Variants in FADS3 observed in about 807,000 individuals in gnomAD.
FADS3 encodes the protein cytochrome b5-related protein.
A neutral mutation model predicts 60.4 loss-of-function variants in FADS3; 30 were observed. That is an observed-to-expected ratio of 0.50 (90% CI 0.37 to 0.67). FADS3 has a LOEUF of 0.67. Ranked by LOEUF, FADS3 falls within the 30% of genes least tolerant of loss-of-function variation. FADS3 has a pLI of 0.00. For synonymous variants in FADS3, 234 were observed against 249.3 expected (o/e 0.94, Z 0.58); for missense variants, 432 against 598.3 (o/e 0.72, Z 2.90).
At position 61,877,918 on chromosome 11, in the gene FADS3, C is replaced by T; in HGVS notation, c.808+237G>A. The T allele has an allele frequency of 1.7e-6, 1 of 599,882 alleles. No individual in the cohort carries two copies. Among genetic ancestry groups the T allele is most frequent in the South Asian group, 2.0e-5 (1 of 50,332 alleles). 37.2% of individuals were successfully genotyped at this position (599,882 alleles called of 1,614,324 possible). On this transcript the variant is annotated intron_variant, in intron 6 of 11. Transcript: ENST00000278829. The surrounding 1 kb of genome is among the most constrained non-coding windows in gnomAD (Gnocchi z 4.7). ...TCTACGTGGGGCTTGGGGAAGCTCC[C>T]AGCAGGGCTGTGATGGCCCGTGGCT...
chr11:61,878,088 A>C (rs1483806495), intron 6 of FADS3, 67 bp downstream of exon 6: 15 of 1,456,342 alleles, frequency 1.0e-5, no homozygotes, highest in Non-Finnish European at 1.4e-5. Context: ...GGAGTGGTCC[A>C]GGACAGCAGG....
Position 61,876,102 on chromosome 11 carries a change from C to A in FADS3, c.1160+9G>T. 6.2e-7 allele frequency: 1 copy of A among 1,609,862 alleles called. No individual in the cohort carries two copies. The highest frequency in any genetic ancestry group is 2.2e-5 in the East Asian group (1 of 44,704). On this transcript the variant is annotated intron_variant, in intron 10 of 11. Coordinates refer to ENST00000278829, the MANE Select transcript of FADS3 (RefSeq NM_021727.5). The surrounding 1 kb of genome is among the most constrained non-coding windows in gnomAD (Gnocchi z 5.7). ...CCACCTCCCACTGGCCCCCAGCACC[C>A]ACACTCACTGGTGCTCGATCTGGAA... is the stretch of plus-strand genomic sequence containing the variant.
At chr11:61,882,950 G>C (rs1938188076) in intron 1 of FADS3, among the ~76,000 whole-genome samples, 1 of 151,754 alleles carries the variant, frequency 6.6e-6, no homozygotes, top group Non-Finnish European at 1.5e-5. Flanking sequence ...GGCTGGTGTT[G>C]AACTCCTGAG....
chr11:61,884,768 G>A (rs909010771), intron 1 of FADS3, among the ~76,000 whole-genome samples: 4 of 152,152 alleles, frequency 2.6e-5, no homozygotes, highest in African/African-American at 4.8e-5. Flanking sequence ...ACCCCCACAC[G>A]CACCCAAGCG....
Position 61,873,720 on chromosome 11 carries a change from G to GTGCCAGTAC in FADS3, c.*93_*94insGTACTGGCA. On this transcript the variant is annotated 3_prime_UTR_variant, in exon 12 of 12. Transcript: ENST00000278829. ...AGGAGGGCAGGCAGGGCACCCCCAGGCTGGCCAGTGGAGGGGTGAGGGTAT... is the reference window on the plus strand; with the variant it reads ...AGGAGGGCAGGCAGGGCACCCCCAGGTGCCAGTACCTGGCCAGTGGAGGGGTGAGGGTAT... 1.2e-6 allele frequency: 1 copy of GTGCCAGTAC among 856,966 alleles called. No individual in the cohort carries two copies. The highest frequency in any genetic ancestry group is 1.4e-5 in the South Asian group (1 of 70,308). 53.1% of individuals were successfully genotyped at this position (856,966 alleles called of 1,614,324 possible).
At position 61,876,042 on chromosome 11, in the gene FADS3, G is replaced by GTCCCCTCCCAGGA; in HGVS notation, c.1160+56_1161-67dup. On this transcript the variant is annotated intron_variant, in intron 10 of 11. Transcript: ENST00000278829. This position sits in a 1 kb window ranked among gnomAD's most constrained non-coding sequence, Gnocchi z 5.7. Reference sequence around the variant, plus strand: ...TTCCAGAGAGAGGCCCCACCCACGGGTCCCCTCCCAGGATCCCCTCCCAGG... The same window carrying GTCCCCTCCCAGGA: ...TTCCAGAGAGAGGCCCCACCCACGGGTCCCCTCCCAGGATCCCCTCCCAGGATCCCCTCCCAGG... The GTCCCCTCCCAGGA allele has an allele frequency of 6.2e-7, 1 of 1,610,632 alleles. No homozygotes were observed. Among genetic ancestry groups the GTCCCCTCCCAGGA allele is most frequent in the South Asian group, 1.1e-5 (1 of 91,034 alleles).
rs372140892 is a variant in FADS3, at chr11:61,876,949, G to A, written c.900C>T (p.Ala300=). The A allele has an allele frequency of 3.3e-5, 53 of 1,603,048 alleles. No individual in the cohort carries two copies. Among genetic ancestry groups the A allele is most frequent in the Non-Finnish European group, 3.8e-5 (45 of 1,175,896 alleles). Residue 300 remains alanine, a synonymous_variant, in exon 8 of 12, where the codon GCC becomes GCT. Transcript: ENST00000278829. The surrounding 1 kb of genome is among the most constrained non-coding windows in gnomAD (Gnocchi z 5.7). ...VCMQWADLLW[A]ASFYARFFLS... ...AGAAGAAGCGGGCATAGAAGCTGGC[G>A]GCCCAGAGCAAATCCTGCAGAGGAG...
At chr11:61,886,672 G>T (rs545498424) in intron 1 of FADS3, among the ~76,000 whole-genome samples, 1 of 152,048 alleles carries the variant, frequency 6.6e-6, no homozygotes, top group Non-Finnish European at 1.5e-5. Flanking sequence ...TCCTGAGAAG[G>T]TTCCATTACA....
chr11:61,876,988 C>A lies in FADS3; in HGVS notation c.886-25G>T. The A allele has an allele frequency of 6.5e-7, 1 of 1,535,402 alleles. No individual in the cohort carries two copies. Among genetic ancestry groups the A allele is most frequent in the Non-Finnish European group, 8.8e-7 (1 of 1,133,802 alleles). ...CCTGCAGAGGAGGGCAGAGGCGATACCGAGAGGTCTCCAGGTGCCCGGAGG... is the reference window on the plus strand; with the variant it reads ...CCTGCAGAGGAGGGCAGAGGCGATAACGAGAGGTCTCCAGGTGCCCGGAGG... On this transcript the variant is annotated intron_variant, in intron 7 of 11. Coordinates refer to ENST00000278829, the MANE Select transcript of FADS3 (RefSeq NM_021727.5). This position sits in a 1 kb window ranked among gnomAD's most constrained non-coding sequence, Gnocchi z 5.7.
upstream of FADS3, chr11:61,891,562 C>A (rs1188991375): frequency 2.0e-5 from 6 of 293,854 alleles, no homozygotes; most frequent in Non-Finnish European, 3.6e-5. Flanking sequence ...CAGGGAACTC[C>A]CCGCCTTATA....
intron 3 of FADS3, among the ~76,000 whole-genome samples, 172 bp downstream of exon 3, chr11:61,879,140 C>T (rs931899693): frequency 6.6e-6 from 1 of 152,272 alleles, no homozygotes; most frequent in Admixed American, 6.5e-5. Context: ...GCTTGACCCA[C>T]AGACATGCCT....
Position 61,877,728 on chromosome 11 carries a change from A to G in FADS3, c.809-141T>C, listed in dbSNP as rs1591192185. Reference sequence around the variant, plus strand: ...ACATCCAGCTGAATGACCCCATATCACCCCCAATTCTGTGTCCAAGCCTCC... The same window carrying G: ...ACATCCAGCTGAATGACCCCATATCGCCCCCAATTCTGTGTCCAAGCCTCC... On this transcript the variant is annotated intron_variant, in intron 6 of 11. Coordinates refer to ENST00000278829, the MANE Select transcript of FADS3 (RefSeq NM_021727.5). This position sits in a 1 kb window ranked among gnomAD's most constrained non-coding sequence, Gnocchi z 4.7. 1.4e-6 allele frequency: 1 copy of G among 737,808 alleles called. No homozygotes were observed. The highest frequency in any genetic ancestry group is 2.7e-5 in the East Asian group (1 of 36,614). 45.7% of individuals were successfully genotyped at this position (737,808 alleles called of 1,614,324 possible).
chr11:61,889,529 C>A (rs139743654), intron 1 of FADS3, among the ~76,000 whole-genome samples: 1 of 152,114 alleles, frequency 6.6e-6, no homozygotes, highest in Non-Finnish European at 1.5e-5. Context: ...TGCCCGTAAT[C>A]CCAGCTACTC....
intron 1 of FADS3, among the ~76,000 whole-genome samples, chr11:61,889,541 G>T (rs1173996235): frequency 1.3e-5 from 2 of 152,136 alleles, no homozygotes; most frequent in Non-Finnish European, 2.9e-5. Context: ...CAGCTACTCG[G>T]GAGGCTGAGG....
rs1296297169 is a variant in FADS3 at position 61,876,725 on chromosome 11, G to C, written c.983+141C>G. 2.5e-6 allele frequency: 2 copies of C among 795,290 alleles called. No homozygotes were observed. The highest frequency in any genetic ancestry group is 3.4e-5 in the African/African-American group (2 of 58,718). 49.3% of individuals were successfully genotyped at this position (795,290 alleles called of 1,614,324 possible). On this transcript the variant is annotated intron_variant, in intron 8 of 11. Coordinates refer to ENST00000278829, the MANE Select transcript of FADS3 (RefSeq NM_021727.5). The surrounding 1 kb of genome is among the most constrained non-coding windows in gnomAD (Gnocchi z 5.7). ...CCGACCCTGGGCTCCTGCCACGCTTGTGTTTATGTGATTCCACCAGCAAGC... is the reference window on the plus strand; with the variant it reads ...CCGACCCTGGGCTCCTGCCACGCTTCTGTTTATGTGATTCCACCAGCAAGC...
At position 61,875,950 on chromosome 11, in the gene FADS3, T is replaced by C; in HGVS notation, c.1187A>G (p.Asn396Ser). The C allele has an allele frequency of 6.2e-7, 1 of 1,613,714 alleles. No homozygotes were observed. Among genetic ancestry groups the C allele is most frequent in the Non-Finnish European group, 8.5e-7 (1 of 1,180,016 alleles). ...HHLFPRMPRH[N>S]YSRVAPLVKS... ...GACCAGCGGGGCCACCCGGCTGTAG[T>C]TGTGTCTCGGCATCCTGGGGAAGAG... is the stretch of plus-strand genomic sequence containing the variant. Residue 396 changes from asparagine (N) to serine (S), a missense_variant, in exon 11 of 12, where the codon AAC becomes AGC. By Grantham distance (46) the Asn-to-Ser change is conservative. Coordinates refer to ENST00000278829, the MANE Select transcript of FADS3 (RefSeq NM_021727.5).
chr11:61,878,297 G>A (rs1450080245), intron 5 of FADS3, 82 bp from the exon 6 acceptor site: 1 of 1,496,072 alleles, frequency 6.7e-7, no homozygotes. Context: ...GCTGGCTGGG[G>A]CCAAGGGTCA....
At chr11:61,889,539 C>T (rs1330385471) in intron 1 of FADS3, among the ~76,000 whole-genome samples, 5 of 151,918 alleles carry the variant, frequency 3.3e-5, no homozygotes, top group Non-Finnish European at 5.9e-5. Flanking sequence ...CCCAGCTACT[C>T]GGGAGGCTGA....
At chr11:61,888,623 G>A (rs1038399665) in intron 1 of FADS3, among the ~76,000 whole-genome samples, 3 of 152,304 alleles carry the variant, frequency 2.0e-5, no homozygotes, top group Non-Finnish European at 4.4e-5. Context: ...AGGGGTAGCC[G>A]TGCAGGGCTG....
Sources: gnomAD v4.1 joint callset for allele counts (sites outside exome capture counted in the v4.1 genomes callset) on GRCh38, gnomAD v4.1.1 for gene constraint, Gnocchi (gnomAD v3.1) non-coding constraint, MANE v1.5 for transcripts, NCBI Gene and HGNC (gene_info 2026-07-23, HGNC 2026-07-21) for gene names.